The following SPIDR variants were observed in gnomAD, a reference collection of about 807,000 sequenced individuals.
The protein encoded by SPIDR is scaffold protein involved in DNA repair, also known as DNA repair-scaffolding protein.
Under a neutral mutation model 104.6 loss-of-function variants are expected in SPIDR, and 93 were observed. That is an observed-to-expected ratio of 0.89 (90% CI 0.75 to 1.06). SPIDR has a LOEUF of 1.06. Ranked by LOEUF, SPIDR falls within the 50% of genes least tolerant of loss-of-function variation. The pLI, the probability that SPIDR is intolerant of heterozygous loss-of-function variation, is 0.00. For synonymous variants in SPIDR, 431 were observed against 416.9 expected (o/e 1.03, Z -0.41); for missense variants, 1,154 against 1,111.2 (o/e 1.04, Z -0.55).
intron 8 of SPIDR, among the ~76,000 whole-genome samples, chr8:47,588,536 C>A (rs1016447615): frequency 2.6e-5 from 4 of 151,906 alleles, no homozygotes; most frequent in Non-Finnish European, 5.9e-5. Flanking sequence ...TTTATTTATT[C>A]TTTTTAATCT....
chr8:47,264,478 C>G (rs1554545075), intron 1 of SPIDR, among the ~76,000 whole-genome samples: 1 of 152,122 alleles, frequency 6.6e-6, no homozygotes, highest in African/African-American at 2.4e-5. Context: ...TCACTCCCCT[C>G]TCCTCCATGA....
At chr8:47,720,072 T>A (rs1238761239) in intron 16 of SPIDR, among the ~76,000 whole-genome samples, 1 of 152,270 alleles carries the variant, frequency 6.6e-6, no homozygotes, top group Non-Finnish European at 1.5e-5. Flanking sequence ...CTCTGTAGTT[T>A]GGCCTTGTCC....
intron 5 of SPIDR, among the ~76,000 whole-genome samples, chr8:47,305,787 T>C (rs2042998838): frequency 6.6e-6 from 1 of 152,220 alleles, no homozygotes; most frequent in Non-Finnish European, 1.5e-5. Flanking sequence ...TGTTTTCATC[T>C]TTTTTCCCAA....
intron 10 of SPIDR, among the ~76,000 whole-genome samples, chr8:47,656,064 T>C (rs2072742892): frequency 6.6e-6 from 1 of 152,166 alleles, no homozygotes; most frequent in Non-Finnish European, 1.5e-5. Context: ...CAAAAATTAC[T>C]GCAAAATGAA....
intron 16 of SPIDR, among the ~76,000 whole-genome samples, chr8:47,722,771 G>A (rs576468817): frequency 2.0e-5 from 3 of 151,342 alleles, no homozygotes; most frequent in Non-Finnish European, 2.9e-5. Context: ...TTTTTTATTG[G>A]TTTTTTCATC....
At chr8:47,580,828 C>A (rs1402825844) in intron 8 of SPIDR, among the ~76,000 whole-genome samples, 2 of 152,088 alleles carry the variant, frequency 1.3e-5, no homozygotes, top group South Asian at 2.1e-4. Context: ...TCTGTTGAGA[C>A]CCTTGCACAT....
chr8:47,554,325 G>T (rs1351282806), intron 8 of SPIDR, among the ~76,000 whole-genome samples: 1 of 152,174 alleles, frequency 6.6e-6, no homozygotes, highest in Non-Finnish European at 1.5e-5. Flanking sequence ...GCTGCCTTTT[G>T]TTCAGCTATG....
At chr8:47,720,783 A>C (rs2083284119) in intron 16 of SPIDR, among the ~76,000 whole-genome samples, 4 of 149,378 alleles carry the variant, frequency 2.7e-5, no homozygotes, top group Admixed American at 2.7e-4. Context: ...TTTGAGATGG[A>C]GTCTCTCTCT....
chr8:47,515,842 G>A (rs1417699954), intron 8 of SPIDR, among the ~76,000 whole-genome samples: 1 of 151,990 alleles, frequency 6.6e-6, no homozygotes, highest in African/African-American at 2.4e-5. Flanking sequence ...ACGGAGTCTC[G>A]CTCTGTCACC....
At chr8:47,520,325 T>A (rs2083871182) in intron 8 of SPIDR, among the ~76,000 whole-genome samples, 1 of 152,196 alleles carries the variant, frequency 6.6e-6, no homozygotes, top group South Asian at 2.1e-4. Flanking sequence ...AGGGACCTGT[T>A]CCATTCATCT....
chr8:47,322,368 C>T (rs2046822655), intron 5 of SPIDR, among the ~76,000 whole-genome samples: 1 of 152,174 alleles, frequency 6.6e-6, no homozygotes, highest in Admixed American at 6.5e-5. Flanking sequence ...CAGAGAAATG[C>T]AAATCGAAAC....
In SPIDR at chr8:47,396,427, G is replaced by A. The variant is rs1293434263; in HGVS notation, c.577G>A (p.Asp193Asn). 2 of 1,613,398 alleles carry A rather than the reference G, an allele frequency of 1.2e-6. No individual in the cohort carries two copies. The highest frequency in any genetic ancestry group is 2.7e-5 in the African/African-American group (2 of 74,904). Residue 193 changes from aspartate to asparagine, a missense_variant, in exon 6 of 20, where the codon GAT (aspartate) becomes AAT (asparagine). Physicochemically the swap from Asp to Asn is conservative, Grantham distance 23. Transcript: ENST00000297423. ...TTCATCAGATAGTGAAAAAGAAGAT[G>A]ATTTGGAAAATGTCCTACTCATTGA... ...EYSSDSEKED[D>N]LENVLLIDSE...
intron 5 of SPIDR, among the ~76,000 whole-genome samples, chr8:47,309,362 T>A (rs901038332): frequency 6.6e-6 from 1 of 152,230 alleles, no homozygotes; most frequent in African/African-American, 2.4e-5. Context: ...TTATAACTCA[T>A]GTATTATATA....
chr8:47,502,179 T>A (rs1445002959), intron 8 of SPIDR, among the ~76,000 whole-genome samples: 1 of 152,226 alleles, frequency 6.6e-6, no homozygotes. Flanking sequence ...GACGATTCCC[T>A]CTTTTTCTGT....
rs141224622 is a variant in SPIDR, at chr8:47,432,805, A to G, written c.878-7518A>G. On this transcript the variant is annotated intron_variant, in intron 7 of 19. Transcript: ENST00000297423. ...AGTAACAGGTAACAAAGGACTTTCC[A>G]TACAATGGGAAGTAGTTTGGATTTA... Among the ~76,000 whole-genome samples the G allele has an allele frequency of 3.0e-3, 458 of 152,316 alleles. 3 individuals are homozygous for G. Among genetic ancestry groups the G allele is most frequent in the Non-Finnish European group, 5.0e-3 (340 of 68,028 alleles).
chr8:47,576,470 A>G (rs962732951), intron 8 of SPIDR, among the ~76,000 whole-genome samples: 5 of 151,516 alleles, frequency 3.3e-5, no homozygotes, highest in South Asian at 2.1e-4. Context: ...GTCTTACTCT[A>G]TTGCCAAGGG....
intron 10 of SPIDR, among the ~76,000 whole-genome samples, chr8:47,648,174 T>C (rs2070928020): frequency 6.6e-6 from 1 of 152,146 alleles, no homozygotes; most frequent in African/African-American, 2.4e-5. Flanking sequence ...GAACTGGAGA[T>C]ATCCAAGAGG....
At chr8:47,661,092 T>C in intron 10 of SPIDR, 1 of 315,970 alleles carries the variant, frequency 3.2e-6, no homozygotes, top group Non-Finnish European at 4.6e-6. Context: ...AAGTGGGGGT[T>C]ATTGGGGTGT....
chr8:47,434,936 T>C (rs1347204434), intron 7 of SPIDR, among the ~76,000 whole-genome samples: 1 of 152,200 alleles, frequency 6.6e-6, no homozygotes, highest in Non-Finnish European at 1.5e-5. Context: ...TGTTATTCTA[T>C]CATTTGCTCA....
Sources: gnomAD v4.1 joint callset for allele counts (sites outside exome capture counted in the v4.1 genomes callset) on GRCh38, gnomAD v4.1.1 for gene constraint, MANE v1.5 for transcripts, NCBI Gene and HGNC (gene_info 2026-07-23, HGNC 2026-07-21) for gene names.